ZSWIM4: variants seen among roughly 807,000 people sequenced by gnomAD.
The protein encoded by ZSWIM4 is zinc finger SWIM domain-containing protein 4.
ZSWIM4 carries 62 observed loss-of-function variants against 102.5 expected under a neutral mutation model. The observed-to-expected ratio is 0.60, with a 90% CI of 0.49 to 0.75. The LOEUF (loss-of-function observed/expected upper bound fraction) is 0.75, where lower values mean the gene tolerates loss of function less well. ZSWIM4 is among the 30% of genes least tolerant of loss of function. ZSWIM4 has a pLI of 0.00. For synonymous variants in ZSWIM4, 652 were observed against 674.5 expected, an observed-to-expected ratio of 0.97 and a Z score of 0.52; for missense variants, 1,280 against 1,529.6, an observed-to-expected ratio of 0.84 and a Z score of 2.72.
At chr19:13,799,273 TC>T (rs992931651) in intron 1 of ZSWIM4, among the ~76,000 whole-genome samples, 14 of 116,172 alleles carry the variant, frequency 1.2e-4, no homozygotes, top group East Asian at 2.2e-4. Flanking sequence ...TATTTTTTTA[TC>T]TTTTTTTTTT....
Position 13,800,065 on chromosome 19 carries a change from A to ATTTTTTTTTTTTTTTTTTTTT in ZSWIM4, c.355+164_355+165insTTTTTTTTTTTTTTTTTTTTT, listed in dbSNP as rs71170569. The ATTTTTTTTTTTTTTTTTTTTT allele has an allele frequency of 9.0e-6, 3 of 334,366 alleles. 1 individual carries two copies. The highest frequency in any genetic ancestry group is 9.4e-5 in the African/African-American group (2 of 21,210). 20.7% of individuals were successfully genotyped at this position (334,366 alleles called of 1,614,324 possible). On this transcript the variant is annotated intron_variant, in intron 2 of 13. Transcript: ENST00000590508. ...CGAGGCCCAGATAGGATTGTACAAG[A>ATTTTTTTTTTTTTTTTTTTTT]TTTTTTTTTTTTTTTTTTTTGAGAC...
At chr19:13,803,806 GA>G (rs36078549) in intron 2 of ZSWIM4, among the ~76,000 whole-genome samples, 362 of 67,588 alleles carry the variant, frequency 5.4e-3, no homozygotes, top group Non-Finnish European at 7.9e-3. Flanking sequence ...CTCTGTCTCA[GA>G]AAAAAAAAAA....
rs1341914467 is a variant in ZSWIM4 at position 13,799,863 on chromosome 19, C to T, written c.297C>T (p.Pro99=). 9.9e-6 allele frequency: 16 copies of T among 1,613,388 alleles called. No individual in the cohort carries two copies. Among genetic ancestry groups the T allele is most frequent in the Non-Finnish European group, 1.2e-5 (14 of 1,179,990 alleles). The change falls in exon 2 of 14, where the codon CCC becomes CCT. Residue 99 remains proline (P), a synonymous_variant. Coordinates refer to ENST00000590508, the MANE Select transcript of ZSWIM4 (RefSeq NM_001367834.3). ...AGGGCGAGCACGATGCCCGGGTGCCCTTTACCCGCGGGCTGCACCTGCTCC... is the reference window on the plus strand; with the variant it reads ...AGGGCGAGCACGATGCCCGGGTGCCTTTTACCCGCGGGCTGCACCTGCTCC... ...PPEGEHDARV[P]FTRGLHLLQS... is the part of the protein sequence containing the mutation.
At chr19:13,816,531 G>A (rs981072161) in intron 7 of ZSWIM4, among the ~76,000 whole-genome samples, 2 of 152,126 alleles carry the variant, frequency 1.3e-5, no homozygotes, top group Non-Finnish European at 2.9e-5. Flanking sequence ...GGACACTGAG[G>A]CAGGAGAATC....
At position 13,823,415 on chromosome 19, in the gene ZSWIM4, C is replaced by T. The variant is rs1428916787; in HGVS notation, c.2130C>T (p.Ser710=). The change falls in exon 11 of 14, where the codon AGC becomes AGT. Residue 710 remains serine (S), a synonymous_variant. Transcript: ENST00000590508. The part of the protein sequence containing the change: ...PHPSPLDSIM[S]NRFPRWFILG... Reference sequence around the variant, plus strand: ...CCAGCCCGCTGGACTCCATCATGAGCAACCGCTTCCCCCGCTGGTTCATCC... The same window carrying T: ...CCAGCCCGCTGGACTCCATCATGAGTAACCGCTTCCCCCGCTGGTTCATCC... 1.2e-6 allele frequency: 2 copies of T among 1,611,378 alleles called. No homozygotes were observed. Among genetic ancestry groups the T allele is most frequent in the East Asian group, 4.5e-5 (2 of 44,738 alleles).
chr19:13,831,074 G>A lies in ZSWIM4; in HGVS notation c.*24G>A. 3 of 1,542,826 alleles carry A rather than the reference G, an allele frequency of 1.9e-6. No homozygotes were observed. The highest frequency in any genetic ancestry group is 8.7e-7 in the Non-Finnish European group (1 of 1,149,544). ...GAGGGACAGTGGGGTGCGTGGGAGT[G>A]GGGATCCCCCTCGCCCCTGCGTCCC... is the stretch of plus-strand genomic sequence containing the variant. On this transcript the variant is annotated 3_prime_UTR_variant, in exon 14 of 14. Transcript: ENST00000590508.
rs1974989869 is a variant in ZSWIM4, at chr19:13,808,830, C to CG, written c.713-4dup. ...GCCTCAGCTTCCTTTCCCTCCCTCC[C>CG]GGCAGGTGCCCCAGACCCCACCGCC... On this transcript the variant is annotated splice_region_variant and splice_polypyrimidine_tract_variant and intron_variant, in intron 3 of 13. Coordinates refer to ENST00000590508, the MANE Select transcript of ZSWIM4 (RefSeq NM_001367834.3). 1 of 1,596,426 alleles carries CG rather than the reference C, an allele frequency of 6.3e-7. No homozygotes were observed. Among genetic ancestry groups the CG allele is most frequent in the Non-Finnish European group, 8.5e-7 (1 of 1,170,564 alleles).
rs572429286 is a variant in ZSWIM4 at position 13,830,436 on chromosome 19, G to A, written c.2707G>A (p.Glu903Lys). 2.5e-6 allele frequency: 4 copies of A among 1,609,094 alleles called. No homozygotes were observed. Among genetic ancestry groups the A allele is most frequent in the Non-Finnish European group, 2.5e-6 (3 of 1,179,904 alleles). Residue 903 changes from glutamate to lysine, a missense_variant, in exon 14 of 14, where the codon GAG becomes AAG. Transcript: ENST00000590508. ...GTGCGAGAAGAACCACTCGGCCTTC[G>A]AGGCGGCCTACCAGATCGTGCTGGA... Reference protein sequence around the residue: ...TLCEKNHSAFEAAYQIVLDAA... With the variant: ...TLCEKNHSAFKAAYQIVLDAA...
At chr19:13,805,398 T>C (rs1282780771) in intron 3 of ZSWIM4, among the ~76,000 whole-genome samples, 5 of 151,952 alleles carry the variant, frequency 3.3e-5, no homozygotes, top group Non-Finnish European at 5.9e-5. Flanking sequence ...GGGGAGATCC[T>C]GCGTTAGAGG....
Position 13,822,513 on chromosome 19 carries a change from TTTC to T in ZSWIM4, c.2061-831_2061-829del, listed in dbSNP as rs1328866700. Among the ~76,000 whole-genome samples, 16 of 152,342 alleles carry T rather than the reference TTTC, an allele frequency of 1.1e-4. No homozygotes were observed. In the East Asian group the frequency reaches 3.1e-3, roughly 29 times the overall value. The stretch of plus-strand genomic sequence containing the variant: ...ATTCATCTGTGAATTGTCTGTGGCT[TTTC>T]TGGCAGAACAATGACAGAATTAAGT... On this transcript the variant is annotated intron_variant, in intron 10 of 13. Coordinates refer to ENST00000590508, the MANE Select transcript of ZSWIM4 (RefSeq NM_001367834.3).
chr19:13,799,980 A>G, intron 2 of ZSWIM4, 59 bp downstream of exon 2: 1 of 1,539,782 alleles, frequency 6.5e-7, no homozygotes. Flanking sequence ...CAGGCCTGGA[A>G]ATGGGGGAGT....
At chr19:13,804,531 C>T (rs139565924) in intron 2 of ZSWIM4, among the ~76,000 whole-genome samples, 2,059 of 151,978 alleles carry the variant, frequency 0.014, 45 homozygotes, top group African/African-American at 0.047. Context: ...CCTGTAATCC[C>T]AGTTACTTGG....
In ZSWIM4 at chr19:13,795,645, C is replaced by A; in HGVS notation, c.-4C>A. ...CGCCCCGGCCCTGGCCCCGGCCGGGCCGGATGGAACCCCCCGCGGCCAAGC... is the reference window on the plus strand; with the variant it reads ...CGCCCCGGCCCTGGCCCCGGCCGGGACGGATGGAACCCCCCGCGGCCAAGC... On this transcript the variant is annotated 5_prime_UTR_variant, in exon 1 of 14. Transcript: ENST00000590508. The A allele has an allele frequency of 4.8e-6, 3 of 628,654 alleles. No individual in the cohort carries two copies. The highest frequency in any genetic ancestry group is 1.5e-4 in the South Asian group (2 of 13,318). 38.9% of individuals were successfully genotyped at this position (628,654 alleles called of 1,614,324 possible).
chr19:13,798,205 C>A (rs565942557), intron 1 of ZSWIM4, among the ~76,000 whole-genome samples: 2 of 152,250 alleles, frequency 1.3e-5, no homozygotes, highest in African/African-American at 4.8e-5. Flanking sequence ...ATGACACAAT[C>A]ATAACTCACT....
intron 3 of ZSWIM4, among the ~76,000 whole-genome samples, chr19:13,806,399 G>T (rs1473737700): frequency 6.6e-6 from 1 of 151,918 alleles, no homozygotes; most frequent in Admixed American, 6.6e-5. Flanking sequence ...TGAGTGTGGT[G>T]GCTCATACCT....
intron 2 of ZSWIM4, among the ~76,000 whole-genome samples, chr19:13,803,134 C>A (rs1419678577): frequency 6.6e-6 from 1 of 152,234 alleles, no homozygotes; most frequent in Non-Finnish European, 1.5e-5. Flanking sequence ...GCCCCGTCGG[C>A]TCTATCTGCT....
intron 7 of ZSWIM4, among the ~76,000 whole-genome samples, chr19:13,815,674 G>T (rs1403123111): frequency 1.3e-5 from 2 of 149,758 alleles, no homozygotes; most frequent in African/African-American, 4.9e-5. Context: ...GTTTCACTAT[G>T]TTGGCCAGGC....
rs1408190606 is a variant in ZSWIM4, at chr19:13,808,824, C to G, written c.713-12C>G. The G allele has an allele frequency of 1.3e-6, 2 of 1,591,242 alleles. No individual in the cohort carries two copies. The highest frequency in any genetic ancestry group is 1.7e-6 in the Non-Finnish European group (2 of 1,167,388). ...GCCCCAGCCTCAGCTTCCTTTCCCT[C>G]CCTCCCGGCAGGTGCCCCAGACCCC... On this transcript the variant is annotated splice_polypyrimidine_tract_variant and intron_variant, in intron 3 of 13. Coordinates refer to ENST00000590508, the MANE Select transcript of ZSWIM4 (RefSeq NM_001367834.3).
In ZSWIM4 at chr19:13,814,569, G is replaced by T; in HGVS notation, c.1235G>T (p.Gly412Val). The change falls in exon 7 of 14, where the codon GGC becomes GTC. Residue 412 changes from glycine (G) to valine (V), a missense_variant. Gly to Val is a moderately radical substitution (Grantham distance 109). Transcript: ENST00000590508. Reference protein sequence around the residue: ...AATSPRHTVFGRALLAGELHW... With the variant: ...AATSPRHTVFVRALLAGELHW... Reference sequence around the variant, plus strand: ...ACAAGTCCCCGCCACACGGTATTTGGCCGCGCCTTGCTGGCTGGAGAGCTA... The same window carrying T: ...ACAAGTCCCCGCCACACGGTATTTGTCCGCGCCTTGCTGGCTGGAGAGCTA... 1 of 1,181,342 alleles carries T rather than the reference G, an allele frequency of 8.5e-7. No individual in the cohort carries two copies. Among genetic ancestry groups the T allele is most frequent in the South Asian group, 1.5e-5 (1 of 65,468 alleles). 73.2% of individuals were successfully genotyped at this position (1,181,342 alleles called of 1,614,324 possible).
Sources: gnomAD v4.1 joint callset for allele counts (sites outside exome capture counted in the v4.1 genomes callset) on GRCh38, gnomAD v4.1.1 for gene constraint, MANE v1.5 for transcripts, NCBI Gene and HGNC (gene_info 2026-07-23, HGNC 2026-07-21) for gene names.